TKTL1: variants seen among roughly 807,000 people sequenced by gnomAD.
TKTL1 encodes transketolase-like protein 1.
Under a neutral mutation model 39.3 loss-of-function variants are expected in TKTL1, and 1 was observed. The ratio of observed to expected loss-of-function variants is 0.03; its 90% CI spans 0.01 to 0.12. The LOEUF (loss-of-function observed/expected upper bound fraction) is 0.12, where lower values mean the gene tolerates loss of function less well. Ranked by LOEUF, TKTL1 falls within the 10% of genes least tolerant of loss-of-function variation. TKTL1 has a pLI of 1.00. For synonymous variants in TKTL1, 262 were observed against 193.8 expected, an observed-to-expected ratio of 1.35 and a Z score of -2.92; for missense variants, 575 against 509.6, an observed-to-expected ratio of 1.13 and a Z score of -1.24.
rs782785645 is a variant in TKTL1 at position 154,304,945 on chromosome X, G to A, written c.135-359G>A. 5 of 889,636 alleles carry A rather than the reference G, an allele frequency of 5.6e-6. No individual in the cohort carries two copies. The African/African-American group carries it at 1.0e-4, about 18-fold the overall frequency. The allele number at this position is 889,636 out of a possible 1,213,427, so 73.3% of individuals were successfully genotyped here. A position where few individuals can be genotyped will look rare whatever the true frequency, so the allele number is the denominator to read the frequency against. On this transcript the variant is annotated intron_variant, in intron 1 of 12. Transcript: ENST00000369915. ...GAAATTCATTGTAGAAGGTAGAATG[G>A]GATCTTCATGGCATTTCTGATTCAC...
rs782555319 is a variant in TKTL1, at chrX:154,329,873, A to G, written c.*185A>G. ...CCTTTAAACTGTCACTGCATATGCA[A>G]GTACCGCTCTAATTTTTGGATCATT... On this transcript the variant is annotated 3_prime_UTR_variant, in exon 13 of 13. Transcript: ENST00000369915. The G allele has an allele frequency of 1.2e-5, 5 of 427,484 alleles. No homozygotes were observed. The South Asian group carries it at 2.4e-4, about 21-fold the overall frequency. 35.2% of individuals were successfully genotyped at this position (427,484 alleles called of 1,213,427 possible). A position where few individuals can be genotyped will look rare whatever the true frequency, so the allele number is the denominator to read the frequency against.
At chrX:154,305,909 A>G (rs2067311501) in intron 2 of TKTL1, among the ~76,000 whole-genome samples, 1 of 111,719 alleles carries the variant, frequency 9.0e-6, no homozygotes, top group Admixed American at 9.5e-5. Context: ...ATGAAGTATC[A>G]TGGGTGATAG....
chrX:154,323,096 G>A (rs1026915352), intron 8 of TKTL1, 111 bp from the exon 9 acceptor site: 10 of 993,891 alleles, frequency 1.0e-5, no homozygotes, highest in East Asian at 9.4e-5. Context: ...GCTACAGCTC[G>A]GGACACCCCG....
At chrX:154,310,667 C>T (rs782046404) in intron 3 of TKTL1, among the ~76,000 whole-genome samples, 169 bp from the exon 4 acceptor site, 9 of 111,758 alleles carry the variant, frequency 8.1e-5, no homozygotes, top group South Asian at 3.7e-4. Context: ...TTTTCAAGCT[C>T]GGCTTTCTTA....
chrX:154,318,060 A>G (rs1034167708), intron 7 of TKTL1, among the ~76,000 whole-genome samples: 28 of 111,611 alleles, frequency 2.5e-4, no homozygotes, highest in Admixed American at 4.7e-4. Flanking sequence ...TTAAGCTAAC[A>G]TCTTTTTTTT....
intron 9 of TKTL1, among the ~76,000 whole-genome samples, chrX:154,323,685 T>C (rs58417338): frequency 0.026 from 2,930 of 111,786 alleles, 98 homozygotes; most frequent in African/African-American, 0.088. Flanking sequence ...CAGACTATAG[T>C]GTTAGTCTCC....
intron 7 of TKTL1, among the ~76,000 whole-genome samples, chrX:154,317,039 G>A (rs1225573339): frequency 1.8e-5 from 2 of 111,005 alleles, no homozygotes; most frequent in African/African-American, 3.3e-5. Context: ...CAAAGTGCTG[G>A]GATTACAGGT....
At chrX:154,315,465 C>CAGG (rs2067392094) in intron 7 of TKTL1, 128 bp downstream of exon 7, 1 of 729,223 alleles carries the variant, frequency 1.4e-6, no homozygotes, top group Non-Finnish European at 2.0e-6. Flanking sequence ...TCCTGGGAAG[C>CAGG]AGGAGGCAAG....
chrX:154,320,686 G>A, intron 7 of TKTL1, 71 bp from the exon 8 acceptor site: 1 of 1,058,344 alleles, frequency 9.4e-7, no homozygotes, highest in Non-Finnish European at 1.3e-6. Context: ...GAGTTATCAT[G>A]GGGACTGTGG....
chrX:154,322,722 C>T (rs1160284637), intron 8 of TKTL1, among the ~76,000 whole-genome samples: 4 of 110,916 alleles, frequency 3.6e-5, no homozygotes, highest in Non-Finnish European at 7.6e-5. Flanking sequence ...CCTAAAGTAC[C>T]CTGTAGCACC....
At chrX:154,326,253 G>C (rs193291450) in intron 10 of TKTL1, among the ~76,000 whole-genome samples, 15 of 111,691 alleles carry the variant, frequency 1.3e-4, no homozygotes, top group African/African-American at 4.6e-4. Context: ...TGCCCACCAC[G>C]CTGACCATCC....
chrX:154,328,780 C>T (rs1246590019), intron 12 of TKTL1, among the ~76,000 whole-genome samples: 5 of 109,914 alleles, frequency 4.5e-5, no homozygotes, highest in African/African-American at 6.6e-5. Flanking sequence ...CCTGATCTCT[C>T]GAAGGACTCC....
Position 154,295,808 on chromosome X carries a change from C to T in TKTL1, c.-52C>T, listed in dbSNP as rs1428543130. 3.4e-5 allele frequency: 40 copies of T among 1,185,950 alleles called. No individual in the cohort carries two copies. Among genetic ancestry groups the T allele is most frequent in the Non-Finnish European group, 4.4e-5 (39 of 881,303 alleles). On this transcript the variant is annotated 5_prime_UTR_variant, in exon 1 of 13. Coordinates refer to ENST00000369915, the MANE Select transcript of TKTL1 (RefSeq NM_012253.4). ...CAGCTCGCAGGCGCCATTCGCTCTT[C>T]AGACGCCGGAGACGTAGGAGTGGGT...
chrX:154,312,592 C>A lies in TKTL1; in HGVS notation c.683C>A (p.Ala228Glu). 1 of 1,207,336 alleles carries A rather than the reference C, an allele frequency of 8.3e-7. No homozygotes were observed. Among genetic ancestry groups the A allele is most frequent in the Non-Finnish European group, 1.1e-6 (1 of 893,143 alleles). Residue 228 changes from alanine to glutamate, a missense_variant, in exon 6 of 13, where the codon GCA becomes GAA. Ala to Glu is a moderately radical substitution (Grantham distance 107). Transcript: ENST00000369915. ...KGRGTPSIEDAESWHAKPMPR... is the reference protein window; with the variant it reads ...KGRGTPSIEDEESWHAKPMPR... ...TGTTTCATTACAGGTATTGAGGATG[C>A]AGAAAGTTGGCATGCAAAGCCAATG...
Position 154,305,497 on chromosome X carries a change from C to A in TKTL1, c.252+76C>A, listed in dbSNP as rs1394244923. 9.0e-6 allele frequency: 10 copies of A among 1,111,808 alleles called. No homozygotes were observed. In the Admixed American group the frequency reaches 2.4e-4, roughly 26 times the overall value. 91.6% of individuals were successfully genotyped at this position (1,111,808 alleles called of 1,213,427 possible). A position where few individuals can be genotyped will look rare whatever the true frequency, so the allele number is the denominator to read the frequency against. ...AGTTTGAACAGCCACCGTGTGGGAA[C>A]AAGGCCTGAAATGGGCCTCGTTTAT... is the stretch of plus-strand genomic sequence containing the variant. On this transcript the variant is annotated intron_variant, in intron 2 of 12. Coordinates refer to ENST00000369915, the MANE Select transcript of TKTL1 (RefSeq NM_012253.4).
chrX:154,296,628 G>A (rs2067231170), intron 1 of TKTL1, among the ~76,000 whole-genome samples: 1 of 111,509 alleles, frequency 9.0e-6, no homozygotes, highest in African/African-American at 3.3e-5. Flanking sequence ...TCAGTTTGAG[G>A]GATATTGGTC....
intron 2 of TKTL1, among the ~76,000 whole-genome samples, chrX:154,307,578 A>G (rs903340215): frequency 8.9e-6 from 1 of 111,807 alleles, no homozygotes; most frequent in Non-Finnish European, 1.9e-5. Context: ...ATGCCTCACC[A>G]TTTTCTCAAT....
chrX:154,309,277 G>C (rs2067337318), intron 2 of TKTL1, 68 bp from the exon 3 acceptor site: 1 of 924,074 alleles, frequency 1.1e-6, no homozygotes, highest in Non-Finnish European at 1.6e-6. Context: ...CCTGCACTCA[G>C]TGCGTGAGTC....
intron 9 of TKTL1, 23 bp from the exon 10 acceptor site, chrX:154,325,316 C>T (rs1603355060): frequency 8.4e-7 from 1 of 1,187,854 alleles, no homozygotes. Context: ...CTTTTCTAAA[C>T]CATGGCTCCA....
Sources: gnomAD v4.1 joint callset for allele counts (sites outside exome capture counted in the v4.1 genomes callset) on GRCh38, gnomAD v4.1.1 for gene constraint, MANE v1.5 for transcripts, NCBI Gene and HGNC (gene_info 2026-07-23, HGNC 2026-07-21) for gene names.